Variants in GAPVD1 observed in about 807,000 individuals in gnomAD.
GAPVD1 encodes GTPase activating protein and VPS9 domains 1.
In GAPVD1, 35 loss-of-function variants were observed where a neutral mutation model predicts 155.5. The observed-to-expected ratio is 0.23, with a 90% CI of 0.17 to 0.30. GAPVD1 has a LOEUF of 0.30. Ranked by LOEUF, GAPVD1 falls within the 10% of genes least tolerant of loss-of-function variation. GAPVD1 has a pLI of 1.00. For synonymous variants in GAPVD1, 636 were observed against 619.7 expected (o/e 1.03, Z -0.39); for missense variants, 1,429 against 1,775.7 (o/e 0.80, Z 3.51).
chr9:125,279,916 A>G (rs1207734690), intron 2 of GAPVD1, among the ~76,000 whole-genome samples: 1 of 151,156 alleles, frequency 6.6e-6, no homozygotes, highest in East Asian at 2.0e-4. Context: ...ACGCACCACC[A>G]TGCCTGGCTC....
chr9:125,264,139 G>T, intron 1 of GAPVD1: 1 of 696,426 alleles, frequency 1.4e-6, no homozygotes, highest in Non-Finnish European at 2.6e-6. Flanking sequence ...CAGTGTAGAC[G>T]AAAGAGAATT....
Position 125,332,566 on chromosome 9 carries a change from T to C in GAPVD1, c.2365T>C (p.Cys789Arg), listed in dbSNP as rs1449329887. The C allele has an allele frequency of 6.2e-7, 1 of 1,602,898 alleles. No individual in the cohort carries two copies. Among genetic ancestry groups the C allele is most frequent in the African/African-American group, 1.3e-5 (1 of 74,674 alleles). Reference protein sequence around the residue: ...PNKIEDLRSECSSDFGGKDSV... With the variant: ...PNKIEDLRSERSSDFGGKDSV... ...TAAGATTGAAGACCTGAGATCTGAG[T>C]GCAGCTCTGATTTTGGGGGTAAAGA... Residue 789 changes from cysteine (C) to arginine (R), a missense_variant, in exon 15 of 28, where the codon TGC becomes CGC. Transcript: ENST00000297933.
intron 1 of GAPVD1, among the ~76,000 whole-genome samples, chr9:125,264,844 A>G (rs1280881173): frequency 6.6e-6 from 1 of 150,414 alleles, no homozygotes; most frequent in Non-Finnish European, 1.5e-5. Flanking sequence ...TCAGCCTCCC[A>G]GGTAGCTGGG....
intron 20 of GAPVD1, among the ~76,000 whole-genome samples, chr9:125,347,435 A>G (rs112527360): frequency 1.3e-5 from 2 of 152,336 alleles, no homozygotes; most frequent in African/African-American, 4.8e-5. Flanking sequence ...GTATAAAAGT[A>G]TAAATAGGGG....
chr9:125,267,153 T>A lies in GAPVD1; in HGVS notation c.-198-1783T>A, dbSNP rs1834109728. 5.9e-5 allele frequency among the ~76,000 whole-genome samples: 9 copies of A among 152,244 alleles called. 1 individual carries two copies. Among genetic ancestry groups the A allele is most frequent in the Admixed American group, 5.9e-4 (9 of 15,278 alleles). On this transcript the variant is annotated intron_variant, in intron 1 of 27. Coordinates refer to ENST00000297933, the MANE Select transcript of GAPVD1 (RefSeq NM_001282680.3). ...AAGGGTTGTTCAGTAAACATTCATA[T>A]ACCCTTCACCTAGATTTGCTGTTAA...
intron 2 of GAPVD1, among the ~76,000 whole-genome samples, chr9:125,293,884 A>AAATATATT (rs1839346260): frequency 4.4e-5 from 1 of 22,678 alleles, no homozygotes; most frequent in African/African-American, 1.7e-4. Flanking sequence ...ATATATATAT[A>AAATATATT]TATATATATA....
chr9:125,293,852 T>TTATATATATAAATATATTA (rs1839179851), intron 2 of GAPVD1, among the ~76,000 whole-genome samples: 3 of 35,196 alleles, frequency 8.5e-5, no homozygotes, highest in African/African-American at 4.9e-4. Flanking sequence ...AAAATATATT[T>TTATATATATAAATATATTA]TATATATATA....
chr9:125,301,964 T>G lies in GAPVD1; in HGVS notation c.186-19T>G, dbSNP rs534052123. 7.5e-6 allele frequency: 1 copy of G among 133,460 alleles called. No homozygotes were observed. The highest frequency in any genetic ancestry group is 2.1e-4 in the South Asian group (1 of 4,856). 8.3% of individuals were successfully genotyped at this position (133,460 alleles called of 1,614,324 possible). A position where few individuals can be genotyped will look rare whatever the true frequency, so the allele number is the denominator to read the frequency against. On this transcript the variant is annotated intron_variant, in intron 4 of 27. Transcript: ENST00000297933. ...ATACTATTATTTTGCTTGTTTGCTCTTTTTTTTTTTTTTTTTAGTGCTGAA... is the reference window on the plus strand; with the variant it reads ...ATACTATTATTTTGCTTGTTTGCTCGTTTTTTTTTTTTTTTTAGTGCTGAA...
chr9:125,263,854 A>T (rs987075947), intron 1 of GAPVD1: 1 of 1,272,124 alleles, frequency 7.9e-7, no homozygotes, highest in Non-Finnish European at 1.1e-6. Context: ...CGGGGGGCAG[A>T]TGAAGGTAAT....
chr9:125,325,041 A>G (rs1458693105), intron 11 of GAPVD1, among the ~76,000 whole-genome samples: 4 of 151,978 alleles, frequency 2.6e-5, no homozygotes, highest in African/African-American at 9.7e-5. Context: ...TCTGGCCAAC[A>G]TAGTGAAACC....
intron 5 of GAPVD1, among the ~76,000 whole-genome samples, chr9:125,304,561 A>G (rs1841477024): frequency 6.6e-6 from 1 of 152,222 alleles, no homozygotes; most frequent in Admixed American, 6.5e-5. Context: ...AAATTTTGCC[A>G]GTAAGGTACT....
intron 2 of GAPVD1, among the ~76,000 whole-genome samples, chr9:125,277,464 G>A (rs998136897): frequency 5.9e-5 from 9 of 152,278 alleles, no homozygotes; most frequent in African/African-American, 2.2e-4. Context: ...ATGTATAGAA[G>A]TGTAGTTTGT....
In GAPVD1 at chr9:125,293,630, ATATATATATAATATAAAAATATATATAT is replaced by A. The variant is rs1385586353; in HGVS notation, c.-149-1792_-149-1765del. 9.0e-4 allele frequency among the ~76,000 whole-genome samples: 118 copies of A among 130,592 alleles called. 1 individual carries two copies. The highest frequency in any genetic ancestry group is 2.4e-3 in the South Asian group (11 of 4,550). The allele number at this position is 130,592 out of a possible 152,430, so 85.7% of individuals were successfully genotyped here. A position where few individuals can be genotyped will look rare whatever the true frequency, so the allele number is the denominator to read the frequency against. On this transcript the variant is annotated intron_variant, in intron 2 of 27. Transcript: ENST00000297933. ...ATGCCCAGCTAATTTTATATATATT[ATATATATATAATATAAAAATATATATAT>A]TATATATATAATATAAAAATATATA...
chr9:125,351,707 C>T (rs1402733133), intron 23 of GAPVD1, among the ~76,000 whole-genome samples: 4 of 151,914 alleles, frequency 2.6e-5, no homozygotes, highest in Admixed American at 2.0e-4. Flanking sequence ...ATCCAGGTCA[C>T]GCTGATGCAA....
At position 125,321,418 on chromosome 9, in the gene GAPVD1, C is replaced by A; in HGVS notation, c.1603-15C>A. On this transcript the variant is annotated splice_polypyrimidine_tract_variant and intron_variant, in intron 9 of 27. Transcript: ENST00000297933. ...CTTTCCATTGATAAACCAAAATTGACATTTTATTTTTTAGGTCCTAAACAT... is the reference window on the plus strand; with the variant it reads ...CTTTCCATTGATAAACCAAAATTGAAATTTTATTTTTTAGGTCCTAAACAT... 1 of 1,600,848 alleles carries A rather than the reference C, an allele frequency of 6.2e-7. No individual in the cohort carries two copies. The highest frequency in any genetic ancestry group is 8.5e-7 in the Non-Finnish European group (1 of 1,170,954).
chr9:125,264,840 T>C (rs1361049510), intron 1 of GAPVD1, among the ~76,000 whole-genome samples: 5 of 151,570 alleles, frequency 3.3e-5, no homozygotes, highest in African/African-American at 4.9e-5. Context: ...TGCCTCAGCC[T>C]CCCAGGTAGC....
At chr9:125,304,984 A>G in intron 5 of GAPVD1, 79 bp from the exon 6 acceptor site, 1 of 897,140 alleles carries the variant, frequency 1.1e-6, no homozygotes, top group Admixed American at 1.8e-5. Flanking sequence ...AACAGAATAG[A>G]CGTGCTTGCT....
In GAPVD1 at chr9:125,293,720, T is replaced by A. The variant is rs1296166550; in HGVS notation, c.-149-1738T>A. 1.2e-4 allele frequency among the ~76,000 whole-genome samples: 8 copies of A among 64,460 alleles called. No individual in the cohort carries two copies. In the South Asian group the frequency reaches 1.8e-3, roughly 14 times the overall value. The allele number at this position is 64,460 out of a possible 152,430, so 42.3% of individuals were successfully genotyped here. On this transcript the variant is annotated intron_variant, in intron 2 of 27. Coordinates refer to ENST00000297933, the MANE Select transcript of GAPVD1 (RefSeq NM_001282680.3). ...TATATTAAATATATATTTTTATATT[T>A]TATATAAATATATATTTTATGTTTT...
At chr9:125,353,708 G>A (rs559387363) in intron 23 of GAPVD1, among the ~76,000 whole-genome samples, 1 of 152,288 alleles carries the variant, frequency 6.6e-6, no homozygotes, top group Non-Finnish European at 1.5e-5. Context: ...AAGAGAGCTT[G>A]TGCAGGGAAA....
Sources: allele counts gnomAD v4.1 joint callset (sites outside exome capture counted in the v4.1 genomes callset), GRCh38; gene constraint gnomAD v4.1.1; transcripts MANE v1.5; gene names NCBI Gene and HGNC (gene_info 2026-07-23, HGNC 2026-07-21).